The following XKR9 variants were observed in gnomAD, a reference collection of about 807,000 sequenced individuals.
XKR9 encodes XK-related protein 9.
Under a neutral mutation model 32.0 loss-of-function variants are expected in XKR9, and 32 were observed. The ratio of observed to expected loss-of-function variants is 1.00; its 90% CI spans 0.76 to 1.34. The LOEUF is 1.34. XKR9 is among the 40% of genes most tolerant of loss of function. The pLI, the probability that XKR9 is intolerant of heterozygous loss-of-function variation, is 0.00. For synonymous variants in XKR9, 168 were observed against 143.4 expected (o/e 1.17, Z -1.22); for missense variants, 546 against 429.7 (o/e 1.27, Z -2.39).
At chr8:70,989,527 TACTAA>T in the XKR9 span, among the ~76,000 whole-genome samples, 1 of 152,218 alleles carries the variant, frequency 6.6e-6, no homozygotes, top group Non-Finnish European at 1.5e-5. Flanking sequence ...GCTGAGCTGA[TACTAA>T]ATAGCTGAGC....
the XKR9 span, among the ~76,000 whole-genome samples, chr8:70,921,327 G>T: frequency 6.6e-6 from 1 of 152,170 alleles, no homozygotes; most frequent in Non-Finnish European, 1.5e-5. Flanking sequence ...CCATGATGAA[G>T]GGAGACTAAG....
chr8:71,060,260 G>A, the XKR9 span, among the ~76,000 whole-genome samples: 1 of 152,164 alleles, frequency 6.6e-6, no homozygotes, highest in Admixed American at 6.5e-5. Flanking sequence ...GGAATAATCT[G>A]GGCCCTGTGG....
intron 2 of XKR9, among the ~76,000 whole-genome samples, chr8:70,768,342 A>G (rs1807406228): frequency 6.6e-6 from 1 of 152,150 alleles, no homozygotes; most frequent in Admixed American, 6.5e-5. Flanking sequence ...ACTTCCAATT[A>G]TGTGGTCAAT....
At chr8:70,934,075 G>A in the XKR9 span, among the ~76,000 whole-genome samples, 1 of 151,984 alleles carries the variant, frequency 6.6e-6, no homozygotes, top group Non-Finnish European at 1.5e-5. Flanking sequence ...ATATTAGTTT[G>A]CAAGTATTTT....
chr8:70,673,492 A>T (rs1032705733), intron 1 of XKR9, among the ~76,000 whole-genome samples: 1 of 152,232 alleles, frequency 6.6e-6, no homozygotes, highest in African/African-American at 2.4e-5. Flanking sequence ...CCAGGTAAAG[A>T]AACCTATGGA....
At chr8:70,684,663 C>A (rs1479726114) in intron 3 of XKR9, among the ~76,000 whole-genome samples, 1 of 150,442 alleles carries the variant, frequency 6.6e-6, no homozygotes, top group Non-Finnish European at 1.5e-5. Context: ...AAACAAACAA[C>A]CCCATCAAAA....
chr8:70,786,685 C>T (rs1012411356), intron 2 of XKR9, among the ~76,000 whole-genome samples: 1 of 152,050 alleles, frequency 6.6e-6, no homozygotes, highest in African/African-American at 2.4e-5. Context: ...TTGTATGCAG[C>T]ATATAGTTGG....
At chr8:70,809,531 A>T in the XKR9 span, among the ~76,000 whole-genome samples, 3,314 of 152,308 alleles carry the variant, frequency 0.022, 130 homozygotes, top group African/African-American at 0.076. Flanking sequence ...ATGGCGAAGA[A>T]GTTAAAAACC....
chr8:71,022,451 C>G, the XKR9 span, among the ~76,000 whole-genome samples: 1 of 152,126 alleles, frequency 6.6e-6, no homozygotes, highest in Non-Finnish European at 1.5e-5. Context: ...TTATCCCACT[C>G]TATCCTGGCC....
the XKR9 span, among the ~76,000 whole-genome samples, chr8:70,992,603 C>G: frequency 7.3e-3 from 1,118 of 152,300 alleles, 3 homozygotes; most frequent in Non-Finnish European, 9.5e-3. Context: ...TTTCCTTTGT[C>G]AGATGACTTC....
the XKR9 span, among the ~76,000 whole-genome samples, chr8:70,925,117 T>C: frequency 1.3e-5 from 2 of 152,208 alleles, no homozygotes; most frequent in Non-Finnish European, 2.9e-5. Flanking sequence ...AGAAGTTTCC[T>C]CAATTTCCTA....
the XKR9 span, among the ~76,000 whole-genome samples, chr8:70,944,834 A>G: frequency 1.3e-5 from 2 of 152,094 alleles, 1 homozygote; most frequent in Non-Finnish European, 2.9e-5. Flanking sequence ...CACAAAAATC[A>G]CTCTGTTAAA....
At chr8:70,957,639 G>T in the XKR9 span, among the ~76,000 whole-genome samples, 1 of 151,996 alleles carries the variant, frequency 6.6e-6, no homozygotes, top group Non-Finnish European at 1.5e-5. Flanking sequence ...TGTGGTATTT[G>T]GTTTTCTCTT....
At chr8:70,881,926 T>C in the XKR9 span, among the ~76,000 whole-genome samples, 1 of 152,178 alleles carries the variant, frequency 6.6e-6, no homozygotes, top group South Asian at 2.1e-4. Context: ...TGGAATACTA[T>C]GCAGCCATAA....
the XKR9 span, among the ~76,000 whole-genome samples, chr8:70,865,748 A>T: frequency 2.0e-5 from 3 of 152,194 alleles, no homozygotes; most frequent in Admixed American, 6.5e-5. Flanking sequence ...GTTACTTTGC[A>T]TTCATCATAT....
chr8:71,011,266 C>T, the XKR9 span, among the ~76,000 whole-genome samples: 3 of 152,164 alleles, frequency 2.0e-5, no homozygotes, highest in African/African-American at 4.8e-5. Flanking sequence ...CCACTATTTT[C>T]CCTAGAAACA....
the XKR9 span, among the ~76,000 whole-genome samples, chr8:70,808,347 C>T: frequency 2.0e-5 from 3 of 152,266 alleles, no homozygotes; most frequent in East Asian, 1.9e-4. Context: ...GGAACAGCTC[C>T]AGTCTACAGC....
the XKR9 span, among the ~76,000 whole-genome samples, chr8:71,027,692 AATTGTTTTGGTT>A: frequency 6.6e-6 from 1 of 151,056 alleles, no homozygotes; most frequent in East Asian, 2.0e-4. Flanking sequence ...TTTTGTTCAA[AATTGTTTTGGTT>A]ATTCAGGGTC....
At chr8:71,006,535 G>A in the XKR9 span, among the ~76,000 whole-genome samples, 1,168 of 152,230 alleles carry the variant, frequency 7.7e-3, 12 homozygotes, top group African/African-American at 0.026. Flanking sequence ...CTAACAGAGT[G>A]AATTTCTTAA....
Sources: gnomAD v4.1 joint callset for allele counts (sites outside exome capture counted in the v4.1 genomes callset) on GRCh38, gnomAD v4.1.1 for gene constraint, MANE v1.5 for transcripts, NCBI Gene and HGNC (gene_info 2026-07-23, HGNC 2026-07-21) for gene names.